The following PCCA variants were observed in gnomAD, a reference collection of about 807,000 sequenced individuals.
PCCA encodes the protein propionyl-CoA carboxylase subunit alpha, also known as propionyl-CoA carboxylase alpha chain, mitochondrial.
A neutral mutation model predicts 101.3 loss-of-function variants in PCCA; 74 were observed. The ratio of observed to expected loss-of-function variants is 0.73; its 90% CI spans 0.61 to 0.89. The LOEUF (loss-of-function observed/expected upper bound fraction) is 0.89, where lower values mean the gene tolerates loss of function less well. Ranked by LOEUF, PCCA falls within the 40% of genes least tolerant of loss-of-function variation. The pLI is 0.00. For synonymous variants in PCCA, 294 were observed against 313.6 expected, an observed-to-expected ratio of 0.94 and a Z score of 0.66; for missense variants, 891 against 907.0, an observed-to-expected ratio of 0.98 and a Z score of 0.23.
chr13:100,452,811 G>T (rs955720438), intron 21 of PCCA, among the ~76,000 whole-genome samples: 2 of 152,184 alleles, frequency 1.3e-5, no homozygotes, highest in African/African-American at 4.8e-5. Flanking sequence ...CCTGAACAAG[G>T]CCTGGCTTGG....
intron 19 of PCCA, among the ~76,000 whole-genome samples, chr13:100,384,666 T>G (rs944553075): frequency 2.4e-4 from 37 of 152,280 alleles, no homozygotes; most frequent in African/African-American, 8.7e-4. Flanking sequence ...TATGTATTCT[T>G]TTGCCTCTAT....
At chr13:100,422,099 T>TTTCC (rs1567109317) in intron 19 of PCCA, among the ~76,000 whole-genome samples, 2 of 141,676 alleles carry the variant, frequency 1.4e-5, no homozygotes, top group African/African-American at 2.9e-5. Context: ...TCTTTCTTTC[T>TTTCC]TTCTTTCTTT....
At chr13:100,431,779 TG>T (rs2079566724) in intron 20 of PCCA, among the ~76,000 whole-genome samples, 1 of 152,010 alleles carries the variant, frequency 6.6e-6, no homozygotes, top group Non-Finnish European at 1.5e-5. Context: ...GGCAGGAGAA[TG>T]GTGTGAACCC....
intron 21 of PCCA, among the ~76,000 whole-genome samples, chr13:100,497,222 C>T (rs977000114): frequency 3.3e-5 from 5 of 152,188 alleles, no homozygotes; most frequent in African/African-American, 1.2e-4. Context: ...TGGTTTCCTT[C>T]TCTTAGAAAA....
intron 19 of PCCA, 138 bp downstream of exon 19, chr13:100,368,712 GAATGGA>G (rs1213189397): frequency 1.6e-6 from 1 of 643,096 alleles, no homozygotes; most frequent in African/African-American, 1.9e-5. Flanking sequence ...TTAGGAAGCT[GAATGGA>G]AATGGAAATT....
intron 21 of PCCA, among the ~76,000 whole-genome samples, chr13:100,492,173 C>T (rs1257603889): frequency 6.6e-6 from 1 of 151,760 alleles, no homozygotes; most frequent in South Asian, 2.1e-4. Context: ...CTCGCTTTGT[C>T]GTCCAGGCTG....
intron 19 of PCCA, among the ~76,000 whole-genome samples, chr13:100,387,617 G>A (rs1386004117): frequency 6.6e-6 from 1 of 152,176 alleles, no homozygotes; most frequent in Non-Finnish European, 1.5e-5. Context: ...ACATCTGATG[G>A]GAGGGGGTTG....
At position 100,510,313 on chromosome 13, in the gene PCCA, C is replaced by T. The variant is rs187585659; in HGVS notation, c.1900-5114C>T. ...ATTTCTATCTCTGCATCAATTAGCA[C>T]AGTGATTTATACAACAAGCAAGCAG... On this transcript the variant is annotated intron_variant, in intron 21 of 23. Transcript: ENST00000376285. Among the ~76,000 whole-genome samples the T allele has an allele frequency of 3.9e-5, 6 of 152,262 alleles. No homozygotes were observed. In the East Asian group the frequency reaches 7.7e-4, roughly 20 times the overall value.
intron 16 of PCCA, among the ~76,000 whole-genome samples, chr13:100,323,966 G>T (rs1275699997): frequency 1.3e-5 from 2 of 152,138 alleles, no homozygotes; most frequent in Admixed American, 6.5e-5. Flanking sequence ...GGTTATTGTT[G>T]CAAAAGTGGG....
At chr13:100,148,294 A>G (rs1193039150) in intron 4 of PCCA, among the ~76,000 whole-genome samples, 1 of 152,082 alleles carries the variant, frequency 6.6e-6, no homozygotes, top group Non-Finnish European at 1.5e-5. Flanking sequence ...ACCCTTCTCA[A>G]AGGCATTTGT....
chr13:100,224,945 G>A (rs971905398), intron 7 of PCCA, among the ~76,000 whole-genome samples: 1 of 152,190 alleles, frequency 6.6e-6, no homozygotes, highest in African/African-American at 2.4e-5. Flanking sequence ...ATCCAGATAT[G>A]TATGGGCTGG....
chr13:100,340,386 T>G, intron 18 of PCCA, 127 bp downstream of exon 18: 1 of 698,444 alleles, frequency 1.4e-6, no homozygotes, highest in Non-Finnish European at 2.6e-6. Context: ...TTTGGAGAAG[T>G]ATAATAAAGT....
At chr13:100,478,996 A>C (rs2083657021) in intron 21 of PCCA, among the ~76,000 whole-genome samples, 1 of 152,158 alleles carries the variant, frequency 6.6e-6, no homozygotes, top group Non-Finnish European at 1.5e-5. Flanking sequence ...ACTCAGGGTA[A>C]GGGACAGCCA....
intron 6 of PCCA, among the ~76,000 whole-genome samples, chr13:100,179,966 T>C (rs2056637818): frequency 6.6e-6 from 1 of 152,098 alleles, no homozygotes; most frequent in Admixed American, 6.6e-5. Context: ...AAGGAACTGG[T>C]GTGGCAGGAG....
intron 17 of PCCA, among the ~76,000 whole-genome samples, chr13:100,334,006 A>G (rs2070042136): frequency 6.6e-6 from 1 of 152,190 alleles, no homozygotes; most frequent in Non-Finnish European, 1.5e-5. Context: ...AGAAATAATA[A>G]TGTAAAGTAC....
intron 18 of PCCA, among the ~76,000 whole-genome samples, chr13:100,352,399 C>CTT (rs67318662): frequency 5.2e-5 from 7 of 134,570 alleles, no homozygotes; most frequent in South Asian, 2.4e-4. Flanking sequence ...ACAAAATAGC[C>CTT]TTTTTTTTTT....
intron 21 of PCCA, among the ~76,000 whole-genome samples, chr13:100,469,556 A>G (rs1317574976): frequency 6.6e-6 from 1 of 152,068 alleles, no homozygotes; most frequent in Non-Finnish European, 1.5e-5. Context: ...AGGCGGGCGG[A>G]TCACAAGGTG....
intron 17 of PCCA, 47 bp from the exon 18 acceptor site, chr13:100,340,110 T>G (rs988215229): frequency 2.0e-6 from 2 of 1,022,274 alleles, no homozygotes; most frequent in Non-Finnish European, 3.1e-6. Context: ...AGCACAGATG[T>G]TAAAATAAAT....
intron 21 of PCCA, among the ~76,000 whole-genome samples, chr13:100,501,239 C>T (rs1054660251): frequency 2.0e-5 from 3 of 151,922 alleles, no homozygotes; most frequent in South Asian, 2.1e-4. Context: ...TGTAAACTTA[C>T]GAGGTACAAG....
Sources: allele counts gnomAD v4.1 joint callset (sites outside exome capture counted in the v4.1 genomes callset), GRCh38; gene constraint gnomAD v4.1.1; transcripts MANE v1.5; gene names NCBI Gene and HGNC (gene_info 2026-07-23, HGNC 2026-07-21).